AGL: variants seen among roughly 807,000 people sequenced by gnomAD.
The protein encoded by AGL is amylo-alpha-1,6-glucosidase and 4-alpha-glucanotransferase.
A neutral mutation model predicts 199.3 loss-of-function variants in AGL; 128 were observed. The ratio of observed to expected loss-of-function variants is 0.64; its 90% confidence interval spans 0.56 to 0.74. The LOEUF (loss-of-function observed/expected upper bound fraction) is 0.74, where lower values mean the gene tolerates loss of function less well. Among genes scored for constraint, AGL ranks in the 30% least tolerant of loss-of-function variants. The probability of loss-of-function intolerance (pLI) is 0.00; values close to 1 mark genes in which losing one functional copy is unlikely to be tolerated. For missense variants in AGL, 1,809 were observed against 1,820.8 expected (o/e 0.99, Z 0.12); for synonymous variants, 584 against 594.7 (o/e 0.98, Z 0.26).
chr1:99,895,404 A>T (rs1653219895), intron 24 of AGL, among the ~76,000 whole-genome samples: 1 of 152,230 alleles, frequency 6.6e-6, no homozygotes, highest in Non-Finnish European at 1.5e-5. Flanking sequence ...TTAATGTGCC[A>T]GATAACTTGA....
At chr1:99,900,547 A>C in intron 25 of AGL, 89 bp from the exon 26 acceptor site, 1 of 1,244,188 alleles carries the variant, frequency 8.0e-7, no homozygotes, top group South Asian at 1.2e-5. Flanking sequence ...AAACGCATTC[A>C]AAATATAGTC....
intron 2 of AGL, among the ~76,000 whole-genome samples, 189 bp downstream of exon 2, chr1:99,851,313 T>G (rs991697725): frequency 1.3e-5 from 2 of 152,224 alleles, no homozygotes; most frequent in Non-Finnish European, 2.9e-5. Context: ...TAAAAATATT[T>G]TATATCCCTC....
intron 27 of AGL, among the ~76,000 whole-genome samples, chr1:99,905,372 T>TTTTTTG (rs551133482): frequency 2.0e-4 from 30 of 151,014 alleles, no homozygotes; most frequent in African/African-American, 6.6e-4. Context: ...ATTTTTTGTA[T>TTTTTTG]TTGTTGTTGT....
chr1:99,908,210 A>ATT (rs34057901), intron 27 of AGL, among the ~76,000 whole-genome samples: 3 of 147,234 alleles, frequency 2.0e-5, no homozygotes, highest in Non-Finnish European at 3.0e-5. Flanking sequence ...GTCCAAGTCC[A>ATT]TTTTTTTTTT....
At chr1:99,862,502 T>C in intron 4 of AGL, 79 bp downstream of exon 4, 1 of 1,471,614 alleles carries the variant, frequency 6.8e-7, no homozygotes, top group Non-Finnish European at 9.5e-7. Flanking sequence ...TCAAAAGTTT[T>C]GTGTATTAGT....
chr1:99,870,698 T>G, intron 6 of AGL, 60 bp from the exon 7 acceptor site: 1 of 1,418,652 alleles, frequency 7.0e-7, no homozygotes, highest in Non-Finnish European at 9.9e-7. Context: ...CAGTATTTGC[T>G]TAACTGATTT....
At chr1:99,881,813 C>A in intron 17 of AGL, 122 bp downstream of exon 17, 1 of 971,916 alleles carries the variant, frequency 1.0e-6, no homozygotes, top group Non-Finnish European at 1.4e-6. Context: ...CTACTGTGGA[C>A]GTACTTGAGA....
chr1:99,872,409 C>T (rs1449294389), intron 7 of AGL, among the ~76,000 whole-genome samples: 2 of 152,064 alleles, frequency 1.3e-5, no homozygotes, highest in Non-Finnish European at 2.9e-5. Context: ...ATACAGATTT[C>T]AAATATAATA....
At chr1:99,856,317 TC>T (rs1649425492) in intron 2 of AGL, among the ~76,000 whole-genome samples, 1 of 16,684 alleles carries the variant, frequency 6.0e-5, no homozygotes, top group Admixed American at 7.1e-4. Flanking sequence ...CCTCCCTCCC[TC>T]CCTTCCTTCC....
chr1:99,912,531 T>G lies in AGL; in HGVS notation c.3949+14T>G, dbSNP rs1236943403. On this transcript the variant is annotated intron_variant, in intron 29 of 33. Transcript: ENST00000361915. ...TAAAAAGACATGGTAAGCTGGTTAT[T>G]TTATTTACAAAGAACCTTCAAATGT... 1.3e-6 allele frequency: 2 copies of G among 1,569,108 alleles called. No homozygotes were observed. Among genetic ancestry groups the G allele is most frequent in the Non-Finnish European group, 1.8e-6 (2 of 1,139,636 alleles).
intron 2 of AGL, among the ~76,000 whole-genome samples, chr1:99,851,584 GTATATCAAAA>G (rs1208772991): frequency 3.3e-5 from 5 of 152,258 alleles, no homozygotes; most frequent in Admixed American, 3.3e-4. Context: ...TATTGTTTAT[GTATATCAAAA>G]ACTTCTCAAA....
chr1:99,874,924 T>G, intron 8 of AGL, 114 bp downstream of exon 8: 2 of 1,297,536 alleles, frequency 1.5e-6, no homozygotes, highest in South Asian at 2.6e-5. Flanking sequence ...AATAAAGTAA[T>G]TCACTGTAAT....
At chr1:99,899,462 C>T (rs148875516) in intron 25 of AGL, among the ~76,000 whole-genome samples, 7 of 151,818 alleles carry the variant, frequency 4.6e-5, no homozygotes, top group African/African-American at 1.7e-4. Flanking sequence ...AGTTTTTAAA[C>T]TGGTTGAATT....
intron 24 of AGL, among the ~76,000 whole-genome samples, chr1:99,894,571 G>T (rs532851775): frequency 6.6e-6 from 1 of 152,228 alleles, no homozygotes; most frequent in South Asian, 2.1e-4. Flanking sequence ...ATAATACACA[G>T]TGTATTTGGG....
chr1:99,915,573 G>C, intron 31 of AGL, 87 bp downstream of exon 31: 1 of 1,012,392 alleles, frequency 9.9e-7, no homozygotes, highest in South Asian at 1.4e-5. Context: ...TTTTGCCAGG[G>C]CAACAAAAGG....
At chr1:99,897,004 A>G (rs145775588) in intron 25 of AGL, among the ~76,000 whole-genome samples, 1,824 of 152,122 alleles carry the variant, frequency 0.012, 37 homozygotes, top group African/African-American at 0.042. Flanking sequence ...TCTAGTAGAG[A>G]CGGGGTTTCA....
At chr1:99,878,314 CA>C (rs1245533318) in intron 12 of AGL, among the ~76,000 whole-genome samples, 2 of 151,892 alleles carry the variant, frequency 1.3e-5, no homozygotes, top group African/African-American at 4.8e-5. Flanking sequence ...CACTGCACTC[CA>C]GCCTGGCGAC....
In AGL at chr1:99,902,771, T is replaced by G. The variant is rs749118487; in HGVS notation, c.3677T>G (p.Ile1226Arg). The change falls in exon 27 of 34, where the codon ATA becomes AGA. Residue 1226 changes from isoleucine (I) to arginine (R), a missense_variant. Transcript: ENST00000361915. ...CGAGAAAGGAATGCTGGTCCCCAGA[T>G]AGATCGAAACATGAAGGACGAAGGT... Reference protein sequence around the residue: ...QFRERNAGPQIDRNMKDEGFN... With the variant: ...QFRERNAGPQRDRNMKDEGFN... 1.7e-5 allele frequency: 27 copies of G among 1,613,070 alleles called. No homozygotes were observed. The highest frequency in any genetic ancestry group is 2.1e-5 in the Non-Finnish European group (25 of 1,179,326).
At chr1:99,893,645 C>T (rs1477655892) in intron 24 of AGL, among the ~76,000 whole-genome samples, 3 of 152,114 alleles carry the variant, frequency 2.0e-5, no homozygotes, top group Non-Finnish European at 2.9e-5. Context: ...ACACTTTAAA[C>T]GATATACTGA....
Sources: gnomAD v4.1 joint callset for allele counts (sites outside exome capture counted in the v4.1 genomes callset) on GRCh38, gnomAD v4.1.1 for gene constraint, MANE v1.5 for transcripts, NCBI Gene and HGNC (gene_info 2026-07-23, HGNC 2026-07-21) for gene names.